The following MBP variants were observed in gnomAD, a reference collection of about 807,000 sequenced individuals.
The protein encoded by MBP is Golli-MBP.
A neutral mutation model predicts 35.8 loss-of-function variants in MBP; 16 were observed. The observed-to-expected ratio is 0.45, with a 90% confidence interval of 0.30 to 0.68. MBP has a LOEUF of 0.68. MBP is among the 30% of genes least tolerant of loss of function. The pLI is 0.08. For missense variants in MBP, 380 were observed against 404.7 expected (o/e 0.94, Z 0.52); for synonymous variants, 143 against 159.6 (o/e 0.90, Z 0.78).
intron 2 of MBP, among the ~76,000 whole-genome samples, chr18:77,098,454 T>C (rs1414494432): frequency 1.3e-5 from 2 of 152,156 alleles, no homozygotes; most frequent in African/African-American, 4.8e-5. Flanking sequence ...ATTTTTAATA[T>C]GTGTGTGTGG....
intron 4 of MBP, among the ~76,000 whole-genome samples, chr18:76,994,503 C>T (rs9675994): frequency 0.36 from 54,740 of 152,082 alleles, 12,986 homozygotes; most frequent in African/African-American, 0.68. Flanking sequence ...AGAGATTCAA[C>T]GGAGCATTAC....
intron 3 of MBP, among the ~76,000 whole-genome samples, chr18:77,042,413 C>A (rs974897917): frequency 4.6e-5 from 7 of 152,200 alleles, no homozygotes; most frequent in African/African-American, 1.7e-4. Flanking sequence ...GAGTGTCAGG[C>A]TTAACTTTCA....
intron 4 of MBP, among the ~76,000 whole-genome samples, chr18:76,997,977 C>T (rs1326325298): frequency 2.0e-5 from 3 of 152,180 alleles, no homozygotes; most frequent in East Asian, 3.9e-4. Flanking sequence ...CCACCACGCC[C>T]GGCCTGAGCC....
chr18:77,103,499 T>TA (rs778765113), intron 2 of MBP, among the ~76,000 whole-genome samples: 6 of 152,340 alleles, frequency 3.9e-5, no homozygotes, highest in Middle Eastern at 3.4e-3. Flanking sequence ...CATGTATGTT[T>TA]AAAAAATAAA....
intron 4 of MBP, among the ~76,000 whole-genome samples, chr18:77,007,230 T>G (rs1971035744): frequency 6.6e-6 from 1 of 152,272 alleles, no homozygotes; most frequent in African/African-American, 2.4e-5. Flanking sequence ...AGCCACTTTC[T>G]TGCAATAATA....
intron 1 of MBP, chr18:77,108,561 G>A (rs1976351769): frequency 6.6e-6 from 1 of 152,200 alleles, no homozygotes; most frequent in Non-Finnish European, 1.5e-5. Context: ...TGGGATGACT[G>A]GACACTTTGA....
chr18:77,069,553 A>C (rs1210194314), intron 2 of MBP, among the ~76,000 whole-genome samples: 1 of 152,216 alleles, frequency 6.6e-6, no homozygotes, highest in Non-Finnish European at 1.5e-5. Context: ...TGGCGTGGGA[A>C]GCCCTTCTCA....
chr18:77,061,182 T>C (rs1308081105), intron 3 of MBP, among the ~76,000 whole-genome samples: 1 of 152,238 alleles, frequency 6.6e-6, no homozygotes, highest in African/African-American at 2.4e-5. Context: ...GTTGCACCAC[T>C]GGCCCTTACT....
chr18:77,081,716 C>T (rs1038556082), intron 2 of MBP, among the ~76,000 whole-genome samples: 4 of 150,716 alleles, frequency 2.7e-5, no homozygotes, highest in East Asian at 3.9e-4. Flanking sequence ...AACAGATGTC[C>T]ACACAGAGCT....
rs759444230 is a variant in MBP at position 77,105,195 on chromosome 18, T to G, written c.51+16A>C. On this transcript the variant is annotated intron_variant, in intron 2 of 8. Transcript: ENST00000355994. ...GAAAACAACATGCACATGTTTCGGATCAGCTCACGTCTTACCGTACTGGCC... is the reference window on the plus strand; with the variant it reads ...GAAAACAACATGCACATGTTTCGGAGCAGCTCACGTCTTACCGTACTGGCC... 2.2e-5 allele frequency: 35 copies of G among 1,612,240 alleles called. No homozygotes were observed. The South Asian group carries it at 3.8e-4, about 18-fold the overall frequency.
intron 4 of MBP, chr18:77,015,532 A>G (rs1476325519): frequency 3.0e-6 from 3 of 985,428 alleles, no homozygotes; most frequent in Non-Finnish European, 3.6e-6. Context: ...TGAAAGAACT[A>G]GCCAGAATAT....
intron 3 of MBP, among the ~76,000 whole-genome samples, chr18:77,026,380 C>G (rs1405709078): frequency 6.6e-6 from 1 of 152,194 alleles, no homozygotes; most frequent in Admixed American, 6.5e-5. Context: ...CAGAGCATGC[C>G]ATAGGAAAAC....
At chr18:77,037,835 G>A (rs1306701787) in intron 3 of MBP, among the ~76,000 whole-genome samples, 1 of 152,214 alleles carries the variant, frequency 6.6e-6, no homozygotes, top group Non-Finnish European at 1.5e-5. Context: ...CATGCAGAAA[G>A]CAGGCGACGG....
intron 4 of MBP, among the ~76,000 whole-genome samples, chr18:76,991,959 G>T (rs1466407083): frequency 6.6e-6 from 1 of 152,238 alleles, no homozygotes; most frequent in Non-Finnish European, 1.5e-5. Flanking sequence ...TTCAGTGGGT[G>T]ACAACTGCAT....
intron 4 of MBP, among the ~76,000 whole-genome samples, chr18:76,999,682 C>A (rs1441035738): frequency 6.6e-6 from 1 of 152,102 alleles, no homozygotes; most frequent in South Asian, 2.1e-4. Context: ...CTCCTGGCCT[C>A]AAGCAATCCA....
intron 2 of MBP, among the ~76,000 whole-genome samples, chr18:77,073,638 T>C (rs1348728038): frequency 6.6e-6 from 1 of 152,224 alleles, no homozygotes; most frequent in Admixed American, 6.5e-5. Flanking sequence ...TTGCTGCAGA[T>C]AGACACTCTC....
At chr18:76,985,499 C>A (rs1969498041) in intron 7 of MBP, 2 of 1,177,704 alleles carry the variant, frequency 1.7e-6, no homozygotes, top group Non-Finnish European at 2.1e-6. Context: ...GGTTTTGAGA[C>A]AAAATCCTGA....
intron 8 of MBP, chr18:76,982,052 ACTTTTT>A (rs1317872432): frequency 2.6e-5 from 4 of 152,190 alleles, no homozygotes; most frequent in African/African-American, 9.7e-5. Flanking sequence ...TATTGGTTTT[ACTTTTT>A]ATCATTGAAA....
At chr18:77,130,046 C>CAAAAA (rs35240388) in intron 1 of MBP, among the ~76,000 whole-genome samples, 200 of 129,300 alleles carry the variant, frequency 1.5e-3, no homozygotes, top group East Asian at 3.6e-3. Flanking sequence ...AAGACTCTGT[C>CAAAAA]AAAAAAAAAA....
Sources: allele counts gnomAD v4.1 joint callset (sites outside exome capture counted in the v4.1 genomes callset), GRCh38; gene constraint gnomAD v4.1.1; transcripts MANE v1.5; gene names NCBI Gene and HGNC (gene_info 2026-07-23, HGNC 2026-07-21).